Variants in JAK2 observed in about 807,000 individuals in gnomAD.
The protein encoded by JAK2 is Janus kinase 2.
A neutral mutation model predicts 139.3 loss-of-function variants in JAK2; 86 were observed. The ratio of observed to expected loss-of-function variants is 0.62; its 90% CI spans 0.52 to 0.74. JAK2 has a LOEUF of 0.74. Among genes scored for constraint, JAK2 ranks in the 30% least tolerant of loss-of-function variants. The pLI, the probability that JAK2 is intolerant of heterozygous loss-of-function variation, is 0.00. For missense variants in JAK2, 1,421 were observed against 1,360.3 expected, an observed-to-expected ratio of 1.04 and a Z score of -0.70; for synonymous variants, 490 against 437.7, an observed-to-expected ratio of 1.12 and a Z score of -1.49.
chr9:4,987,889 G>C (rs566074505), intron 2 of JAK2, among the ~76,000 whole-genome samples: 2 of 152,166 alleles, frequency 1.3e-5, no homozygotes, highest in African/African-American at 2.4e-5. Flanking sequence ...TATCACGGCT[G>C]GGAGGCAAAG....
chr9:5,023,406 A>C (rs1396660300), intron 3 of JAK2, among the ~76,000 whole-genome samples: 1 of 152,106 alleles, frequency 6.6e-6, no homozygotes, highest in Non-Finnish European at 1.5e-5. Context: ...GCTTCAAAAT[A>C]TCACCTTGCT....
At chr9:5,084,345 A>G (rs149947880) in intron 19 of JAK2, among the ~76,000 whole-genome samples, 1 of 152,248 alleles carries the variant, frequency 6.6e-6, no homozygotes, top group Non-Finnish European at 1.5e-5. Context: ...AGATATTTGT[A>G]CTGCCTTACT....
At chr9:4,985,836 CCTT>C (rs1221134807) in intron 1 of JAK2, 101 bp from the exon 2 acceptor site, 1 of 152,626 alleles carries the variant, frequency 6.6e-6, no homozygotes, top group Non-Finnish European at 1.5e-5. Flanking sequence ...GCTCCCGCCT[CCTT>C]ATTCCTTTTT....
At chr9:5,086,419 C>T (rs1248942258) in intron 19 of JAK2, among the ~76,000 whole-genome samples, 1 of 152,204 alleles carries the variant, frequency 6.6e-6, no homozygotes, top group East Asian at 1.9e-4. Flanking sequence ...GATCTTAGTG[C>T]GACTACTTTG....
At chr9:5,084,227 G>C (rs1419873907) in intron 19 of JAK2, among the ~76,000 whole-genome samples, 1 of 152,074 alleles carries the variant, frequency 6.6e-6, no homozygotes, top group Non-Finnish European at 1.5e-5. Flanking sequence ...GTAATCATTA[G>C]TCAGTCATAG....
chr9:5,073,051 G>T (rs1406316613), intron 13 of JAK2, among the ~76,000 whole-genome samples: 1 of 152,210 alleles, frequency 6.6e-6, no homozygotes, highest in Non-Finnish European at 1.5e-5. Context: ...GATGCTAGCT[G>T]GCAGACCCCG....
chr9:5,084,889 C>G (rs1416716937), intron 19 of JAK2: 2 of 428,440 alleles, frequency 4.7e-6, no homozygotes, highest in Admixed American at 6.2e-5. Flanking sequence ...AGTTTGATAT[C>G]TTTTAAAATG....
chr9:5,078,593 A>C (rs1022581718), intron 16 of JAK2, 149 bp downstream of exon 16: 3 of 664,158 alleles, frequency 4.5e-6, no homozygotes, highest in African/African-American at 3.7e-5. Context: ...TTAAATTGTT[A>C]GTTAAATCTT....
At chr9:5,120,144 G>A (rs1337362878) in intron 22 of JAK2, among the ~76,000 whole-genome samples, 1 of 152,224 alleles carries the variant, frequency 6.6e-6, no homozygotes, top group Non-Finnish European at 1.5e-5. Context: ...CCAAGATGGA[G>A]CCTTGCTGCT....
Position 5,005,083 on chromosome 9 carries a change from A to ATTTTTTTTTTTTT in JAK2, c.-25-16843_-25-16831dup, listed in dbSNP as rs527982744. 5.0e-5 allele frequency among the ~76,000 whole-genome samples: 2 copies of ATTTTTTTTTTTTT among 40,034 alleles called. 1 individual carries two copies. 26.3% of individuals were successfully genotyped at this position (40,034 alleles called of 152,430 possible). A position where few individuals can be genotyped will look rare whatever the true frequency, so the allele number is the denominator to read the frequency against. ...AGGCATGTGCCAGCATGCCTGGCTA[A>ATTTTTTTTTTTTT]TTTTTTTTTTTTTTTTTTTTTTTTT... On this transcript the variant is annotated intron_variant, in intron 2 of 24. Coordinates refer to ENST00000381652, the MANE Select transcript of JAK2 (RefSeq NM_004972.4).
intron 8 of JAK2, among the ~76,000 whole-genome samples, chr9:5,059,583 G>T (rs1028675219): frequency 6.6e-6 from 1 of 152,070 alleles, no homozygotes; most frequent in Admixed American, 6.5e-5. Context: ...ATATCCTAGA[G>T]ATAGGATTAT....
intron 19 of JAK2, chr9:5,085,141 A>G (rs1046732382): frequency 1.5e-6 from 1 of 647,904 alleles, no homozygotes; most frequent in Admixed American, 1.8e-5. Context: ...ACTCTGTAAT[A>G]CATACTGTGG....
chr9:5,107,942 C>G (rs545647296), intron 22 of JAK2: 1 of 152,062 alleles, frequency 6.6e-6, no homozygotes, highest in African/African-American at 2.4e-5. Flanking sequence ...AAAATTATTC[C>G]GACAATTATG....
At chr9:5,111,685 C>T (rs1564015431) in intron 22 of JAK2, 1 of 426,272 alleles carries the variant, frequency 2.3e-6, no homozygotes, top group South Asian at 1.7e-5. Context: ...TGGGCAGTGG[C>T]GGAGGCAGCA....
At chr9:5,115,845 G>C (rs1823114875) in intron 22 of JAK2, among the ~76,000 whole-genome samples, 1 of 152,062 alleles carries the variant, frequency 6.6e-6, no homozygotes, top group South Asian at 2.1e-4. Context: ...CTGATAAGTG[G>C]GAGTTGAACA....
intron 19 of JAK2, 32 bp from the exon 20 acceptor site, chr9:5,089,642 G>T: frequency 8.6e-7 from 1 of 1,163,812 alleles, no homozygotes; most frequent in South Asian, 3.3e-5. Context: ...TGAAAACTTG[G>T]TATTTCCATC....
At chr9:5,031,974 G>A (rs75197654) in intron 4 of JAK2, among the ~76,000 whole-genome samples, 21 of 152,234 alleles carry the variant, frequency 1.4e-4, no homozygotes, top group Admixed American at 2.6e-4. Context: ...CGCCACACCC[G>A]GGAAGCGCAA....
chr9:5,066,786 C>A lies in JAK2; in HGVS notation c.1323C>A (p.Val441=), dbSNP rs78729673. 1 of 1,485,956 alleles carries A rather than the reference C, an allele frequency of 6.7e-7. No homozygotes were observed. The highest frequency in any genetic ancestry group is 9.1e-7 in the Non-Finnish European group (1 of 1,095,210). The allele number at this position is 1,485,956 out of a possible 1,614,324, so 92.0% of individuals were successfully genotyped here. ...ATAAATATTTTTTGACTTTTGCTGT[C>A]GAGGTTAGTATGTCACACTTATTAG... The part of the protein sequence containing the change: ...DFNKYFLTFA[V]ERENVIEYKH... The change falls in exon 10 of 25, where the codon GTC becomes GTA. Residue 441 remains valine, a synonymous_variant. Transcript: ENST00000381652.
chr9:5,057,639 A>G (rs912456094), intron 8 of JAK2, among the ~76,000 whole-genome samples: 4 of 145,476 alleles, frequency 2.7e-5, no homozygotes, highest in African/African-American at 7.7e-5. Context: ...CTGGAGCACA[A>G]TGGCGCGATC....
Sources: gnomAD v4.1 joint callset for allele counts (sites outside exome capture counted in the v4.1 genomes callset) on GRCh38, gnomAD v4.1.1 for gene constraint, MANE v1.5 for transcripts, NCBI Gene and HGNC (gene_info 2026-07-23, HGNC 2026-07-21) for gene names.